STXBP5L: variants seen among roughly 807,000 people sequenced by gnomAD.
STXBP5L encodes the protein syntaxin-binding protein 5-like.
STXBP5L carries 65 observed loss-of-function variants against 144.5 expected under a neutral mutation model. The observed-to-expected ratio is 0.45, with a 90% CI of 0.37 to 0.55. The LOEUF (loss-of-function observed/expected upper bound fraction) is 0.55. Ranked by LOEUF, STXBP5L falls within the 20% of genes least tolerant of loss-of-function variation. The pLI is 0.00. For synonymous variants in STXBP5L, 505 were observed against 469.6 expected (o/e 1.08, Z -0.97); for missense variants, 1,298 against 1,405.5 (o/e 0.92, Z 1.22).
chr3:121,117,027 C>G (rs934277876), intron 6 of STXBP5L, among the ~76,000 whole-genome samples: 1 of 151,824 alleles, frequency 6.6e-6, no homozygotes, highest in Non-Finnish European at 1.5e-5. Context: ...CAATGCTGTT[C>G]TTATATTCAT....
At chr3:121,045,390 A>T (rs767148245) in intron 4 of STXBP5L, 45 bp from the exon 5 acceptor site, 1 of 1,538,364 alleles carries the variant, frequency 6.5e-7, no homozygotes, top group South Asian at 1.2e-5. Flanking sequence ...AAAAAACCCT[A>T]AATTAAGTAA....
intron 19 of STXBP5L, among the ~76,000 whole-genome samples, chr3:121,317,822 T>G (rs1372509742): frequency 1.3e-5 from 2 of 152,078 alleles, no homozygotes; most frequent in Non-Finnish European, 2.9e-5. Flanking sequence ...GTGCTTATTA[T>G]AAGGAATTTG....
intron 2 of STXBP5L, among the ~76,000 whole-genome samples, chr3:120,929,177 A>G (rs184146194): frequency 3.3e-5 from 5 of 152,282 alleles, no homozygotes; most frequent in Non-Finnish European, 7.4e-5. Context: ...TGCGGAAGTT[A>G]GGGATCTGGT....
intron 5 of STXBP5L, among the ~76,000 whole-genome samples, chr3:121,111,783 A>C (rs1405178531): frequency 6.6e-6 from 1 of 152,210 alleles, no homozygotes; most frequent in African/African-American, 2.4e-5. Context: ...GAGGAATCCC[A>C]CTCATCTGCA....
intron 11 of STXBP5L, among the ~76,000 whole-genome samples, chr3:121,228,412 G>A (rs911601043): frequency 6.6e-6 from 1 of 152,180 alleles, no homozygotes; most frequent in Non-Finnish European, 1.5e-5. Flanking sequence ...GTTATACCGA[G>A]TAAAACATTG....
intron 3 of STXBP5L, among the ~76,000 whole-genome samples, chr3:120,956,881 A>G (rs1576482787): frequency 6.6e-6 from 1 of 151,908 alleles, no homozygotes; most frequent in South Asian, 2.1e-4. Flanking sequence ...CTTTGGTGTC[A>G]TATGTAAGAA....
chr3:120,961,274 G>GTT (rs529704108), intron 3 of STXBP5L, among the ~76,000 whole-genome samples: 2 of 126,364 alleles, frequency 1.6e-5, no homozygotes, highest in Non-Finnish European at 1.7e-5. Flanking sequence ...TTCTTTTTTT[G>GTT]TTTTTTTTTT....
At chr3:121,052,969 CA>C (rs1270816478) in intron 5 of STXBP5L, among the ~76,000 whole-genome samples, 1 of 152,032 alleles carries the variant, frequency 6.6e-6, no homozygotes, top group Non-Finnish European at 1.5e-5. Context: ...AACAGAGAGC[CA>C]AATCATGAGT....
chr3:121,310,731 A>G (rs1216167005), intron 19 of STXBP5L, among the ~76,000 whole-genome samples: 2 of 151,866 alleles, frequency 1.3e-5, no homozygotes, highest in Non-Finnish European at 2.9e-5. Flanking sequence ...CAACATGGTG[A>G]AACCATGTCT....
chr3:121,018,523 CAAAAA>C lies in STXBP5L; in HGVS notation c.288-23159_288-23155del, dbSNP rs139946627. 5.3e-4 allele frequency among the ~76,000 whole-genome samples: 54 copies of C among 101,932 alleles called. No homozygotes were observed. In the East Asian group the frequency reaches 9.0e-3, roughly 17 times the overall value. The allele number at this position is 101,932 out of a possible 152,430, so 66.9% of individuals were successfully genotyped here. A position where few individuals can be genotyped will look rare whatever the true frequency, so the allele number is the denominator to read the frequency against. On this transcript the variant is annotated intron_variant, in intron 3 of 26. Coordinates refer to ENST00000471454, the MANE Select transcript of STXBP5L (RefSeq NM_001308330.2). ...CTGGAACAACTGGACATCCATATAC[CAAAAA>C]AAAAAAAAAAAAAAAAATGCAGACA...
intron 20 of STXBP5L, among the ~76,000 whole-genome samples, chr3:121,342,012 AG>A (rs1404536999): frequency 6.6e-6 from 1 of 152,168 alleles, no homozygotes; most frequent in Non-Finnish European, 1.5e-5. Context: ...TGTAACACAA[AG>A]GAAGGGTAAT....
chr3:121,024,580 ACTT>A (rs1333822690), intron 3 of STXBP5L, among the ~76,000 whole-genome samples: 1 of 152,162 alleles, frequency 6.6e-6, no homozygotes, highest in Non-Finnish European at 1.5e-5. Context: ...TTGGGTTTCC[ACTT>A]CTTTTCTGTG....
intron 5 of STXBP5L, among the ~76,000 whole-genome samples, chr3:121,060,708 T>C (rs766334549): frequency 1.3e-5 from 2 of 152,242 alleles, no homozygotes; most frequent in Non-Finnish European, 2.9e-5. Flanking sequence ...TGGGAGGTTA[T>C]ATGTGTTCAG....
intron 5 of STXBP5L, among the ~76,000 whole-genome samples, chr3:121,054,107 A>T (rs1948254273): frequency 6.6e-6 from 1 of 152,150 alleles, no homozygotes; most frequent in African/African-American, 2.4e-5. Context: ...GCTGGAGAGG[A>T]TGTGGAGAAA....
chr3:121,114,837 G>T, intron 5 of STXBP5L, 88 bp from the exon 6 acceptor site: 1 of 798,272 alleles, frequency 1.3e-6, no homozygotes, highest in Non-Finnish European at 1.9e-6. Flanking sequence ...TATTTATATA[G>T]CTATCACTAC....
At chr3:121,348,488 G>A (rs907488072) in intron 20 of STXBP5L, among the ~76,000 whole-genome samples, 4 of 152,100 alleles carry the variant, frequency 2.6e-5, no homozygotes, top group African/African-American at 9.7e-5. Flanking sequence ...AGTTAGGGAG[G>A]ATCCCCTCTT....
intron 3 of STXBP5L, among the ~76,000 whole-genome samples, chr3:120,998,477 C>T (rs932627642): frequency 2.0e-5 from 3 of 152,024 alleles, no homozygotes; most frequent in Non-Finnish European, 1.5e-5. Flanking sequence ...TGGTTTGCTG[C>T]ACCCATCAAC....
At chr3:120,980,707 G>A (rs931341922) in intron 3 of STXBP5L, among the ~76,000 whole-genome samples, 1 of 151,890 alleles carries the variant, frequency 6.6e-6, no homozygotes, top group Non-Finnish European at 1.5e-5. Flanking sequence ...TACATTCAAG[G>A]TTAATATTCA....
chr3:121,089,316 A>G (rs1470785841), intron 5 of STXBP5L, among the ~76,000 whole-genome samples: 1 of 151,688 alleles, frequency 6.6e-6, no homozygotes, highest in African/African-American at 2.4e-5. Flanking sequence ...GTTTTCCTTT[A>G]CCTGATAATG....
Sources: gnomAD v4.1 joint callset for allele counts (sites outside exome capture counted in the v4.1 genomes callset) on GRCh38, gnomAD v4.1.1 for gene constraint, MANE v1.5 for transcripts, NCBI Gene and HGNC (gene_info 2026-07-23, HGNC 2026-07-21) for gene names.